The following KIFAP3 variants were observed in gnomAD, a reference collection of about 807,000 sequenced individuals.
KIFAP3 encodes kinesin-associated protein 3.
A neutral mutation model predicts 106.5 loss-of-function variants in KIFAP3; 68 were observed. The observed-to-expected ratio is 0.64, with a 90% CI of 0.53 to 0.78. KIFAP3 has a LOEUF of 0.78. Among genes scored for constraint, KIFAP3 ranks in the 30% least tolerant of loss-of-function variants. The probability of loss-of-function intolerance (pLI) is 0.00; values close to 1 mark genes in which losing one functional copy is unlikely to be tolerated. For synonymous variants in KIFAP3, 320 were observed against 311.5 expected, an observed-to-expected ratio of 1.03 and a Z score of -0.29; for missense variants, 780 against 941.8, an observed-to-expected ratio of 0.83 and a Z score of 2.25.
chr1:170,007,656 G>A (rs1255493154), intron 10 of KIFAP3, among the ~76,000 whole-genome samples: 1 of 152,084 alleles, frequency 6.6e-6, no homozygotes, highest in Non-Finnish European at 1.5e-5. Context: ...CACGCTCATG[G>A]ATAGAAGAAT....
At chr1:169,949,047 G>T (rs993117187) in intron 19 of KIFAP3, among the ~76,000 whole-genome samples, 1 of 151,558 alleles carries the variant, frequency 6.6e-6, no homozygotes, top group African/African-American at 2.4e-5. Context: ...AAAAATTTGG[G>T]TAAAAGATTA....
At chr1:169,947,770 T>C (rs1225289292) in intron 19 of KIFAP3, among the ~76,000 whole-genome samples, 2 of 151,826 alleles carry the variant, frequency 1.3e-5, no homozygotes, top group Non-Finnish European at 3.0e-5. Flanking sequence ...CAAAACATCA[T>C]ATATGAATAA....
chr1:170,029,650 GA>G (rs1669294549), intron 8 of KIFAP3, among the ~76,000 whole-genome samples: 1 of 151,298 alleles, frequency 6.6e-6, no homozygotes, highest in Non-Finnish European at 1.5e-5. Context: ...GTAAGCTGAA[GA>G]AAAAAAATTA....
chr1:170,015,914 C>T (rs75130635), intron 10 of KIFAP3, among the ~76,000 whole-genome samples: 9,592 of 152,188 alleles, frequency 0.063, 388 homozygotes, highest in Non-Finnish European at 0.095. Context: ...CAATACAGTA[C>T]TTTCTAAGTC....
chr1:170,004,401 C>G (rs1296867716), intron 10 of KIFAP3, among the ~76,000 whole-genome samples: 2 of 152,048 alleles, frequency 1.3e-5, no homozygotes, highest in South Asian at 4.2e-4. Context: ...ATTGCCAAGT[C>G]AATCCTAAGC....
At chr1:170,069,318 CAA>C (rs1343378047) in intron 1 of KIFAP3, among the ~76,000 whole-genome samples, 1 of 151,998 alleles carries the variant, frequency 6.6e-6, no homozygotes, top group African/African-American at 2.4e-5. Context: ...CAAACTCTTC[CAA>C]AAGATATAAC....
chr1:169,972,551 T>C lies in KIFAP3; in HGVS notation c.1945A>G (p.Ile649Val). 1 of 1,572,694 alleles carries C rather than the reference T, an allele frequency of 6.4e-7. No homozygotes were observed. Among genetic ancestry groups the C allele is most frequent in the Non-Finnish European group, 8.7e-7 (1 of 1,146,288 alleles). ...AATGTATTATCACAGACCTTTCGGATTTCATTATTCTTATCATGCATTAGG... is the reference window on the plus strand; with the variant it reads ...AATGTATTATCACAGACCTTTCGGACTTCATTATTCTTATCATGCATTAGG... ...IDLMHDKNNE[I>V]RKVCDNTLDI... The change falls in exon 17 of 20, where the codon ATC becomes GTC. Residue 649 changes from isoleucine (I) to valine (V), a missense_variant. Coordinates refer to ENST00000361580, the MANE Select transcript of KIFAP3 (RefSeq NM_014970.4).
At position 170,024,496 on chromosome 1, in the gene KIFAP3, C is replaced by T. The variant is rs777924823; in HGVS notation, c.942G>A (p.Arg314=). The change falls in exon 9 of 20, where the codon CGG becomes CGA. Residue 314 remains arginine, a synonymous_variant. Coordinates refer to ENST00000361580, the MANE Select transcript of KIFAP3 (RefSeq NM_014970.4). ...CTAAAATTAGCAGCTCAAAATTGTC[C>T]CGATCAAGGGCTTTCACCAACATGT... ...IVHMLVKALD[R]DNFELLILVV... The T allele has an allele frequency of 1.4e-5, 23 of 1,605,964 alleles. No homozygotes were observed. The highest frequency in any genetic ancestry group is 1.7e-5 in the Admixed American group (1 of 59,126).
chr1:169,931,234 T>G (rs2101784315), intron 19 of KIFAP3, among the ~76,000 whole-genome samples: 2 of 152,314 alleles, frequency 1.3e-5, no homozygotes, highest in South Asian at 4.1e-4. Flanking sequence ...TTATTATTAT[T>G]TATCTGCATA....
At chr1:170,016,999 C>T (rs1668554567) in intron 9 of KIFAP3, among the ~76,000 whole-genome samples, 1 of 152,196 alleles carries the variant, frequency 6.6e-6, no homozygotes, top group Admixed American at 6.5e-5. Flanking sequence ...TGGCTCACGC[C>T]TGTAATCCCA....
intron 1 of KIFAP3, among the ~76,000 whole-genome samples, chr1:170,062,069 G>C (rs1181595746): frequency 6.6e-6 from 1 of 151,942 alleles, no homozygotes; most frequent in Non-Finnish European, 1.5e-5. Context: ...TGTAAATGAC[G>C]AGTTAATGGG....
intron 2 of KIFAP3, among the ~76,000 whole-genome samples, chr1:170,050,902 A>G (rs1571734622): frequency 6.6e-6 from 1 of 152,264 alleles, no homozygotes; most frequent in Admixed American, 6.5e-5. Flanking sequence ...CCAAAATATA[A>G]CGACCAATGA....
chr1:169,985,053 T>C (rs535833241), intron 11 of KIFAP3, among the ~76,000 whole-genome samples: 44 of 151,894 alleles, frequency 2.9e-4, no homozygotes, highest in Non-Finnish European at 5.6e-4. Flanking sequence ...CAGTACTCTT[T>C]GAAGAATTAA....
At chr1:170,073,157 T>C (rs939956036) in intron 1 of KIFAP3, among the ~76,000 whole-genome samples, 6 of 152,246 alleles carry the variant, frequency 3.9e-5, no homozygotes. Flanking sequence ...GCAATTTATT[T>C]TCTTCTGTCA....
chr1:169,988,793 T>G (rs1217973355), intron 11 of KIFAP3, among the ~76,000 whole-genome samples: 4 of 152,000 alleles, frequency 2.6e-5, no homozygotes, highest in Non-Finnish European at 5.9e-5. Flanking sequence ...AATTTGGCAC[T>G]ATAAGTTAAA....
At chr1:169,984,292 T>C (rs764278507) in intron 12 of KIFAP3, among the ~76,000 whole-genome samples, 1 of 151,778 alleles carries the variant, frequency 6.6e-6, no homozygotes, top group Non-Finnish European at 1.5e-5. Flanking sequence ...TATATTGTAA[T>C]AGACTGCTTT....
chr1:170,017,421 ATGAC>A (rs1341198692), intron 9 of KIFAP3, among the ~76,000 whole-genome samples: 4 of 152,034 alleles, frequency 2.6e-5, no homozygotes, highest in Admixed American at 6.6e-5. Context: ...AAAAAAAAAA[ATGAC>A]TAAGAATTTG....
At chr1:170,070,077 A>C (rs1671632253) in intron 1 of KIFAP3, among the ~76,000 whole-genome samples, 1 of 152,102 alleles carries the variant, frequency 6.6e-6, no homozygotes, top group African/African-American at 2.4e-5. Context: ...ATAGCATCAA[A>C]AAGAATAAAA....
chr1:170,021,434 G>GTTTTTTTTTTTTTT (rs746455008), intron 9 of KIFAP3, among the ~76,000 whole-genome samples: 1 of 113,786 alleles, frequency 8.8e-6, no homozygotes, highest in Non-Finnish European at 1.8e-5. Flanking sequence ...TTGTTATTAA[G>GTTTTTTTTTTTTTT]TTTTTTTTTT....
Sources: allele counts gnomAD v4.1 joint callset (sites outside exome capture counted in the v4.1 genomes callset), GRCh38; gene constraint gnomAD v4.1.1; transcripts MANE v1.5; gene names NCBI Gene and HGNC (gene_info 2026-07-23, HGNC 2026-07-21).